SLC35F4: variants seen among roughly 807,000 people sequenced by gnomAD.
SLC35F4 encodes the protein solute carrier family 35 member F4.
A neutral mutation model predicts 44.2 loss-of-function variants in SLC35F4; 24 were observed. The ratio of observed to expected loss-of-function variants is 0.54; its 90% CI spans 0.39 to 0.76. The LOEUF is 0.76. Among genes scored for constraint, SLC35F4 ranks in the 30% least tolerant of loss-of-function variants. The pLI, the probability that SLC35F4 is intolerant of heterozygous loss-of-function variation, is 0.00. For missense variants in SLC35F4, 562 were observed against 586.1 expected, an observed-to-expected ratio of 0.96 and a Z score of 0.42; for synonymous variants, 238 against 223.6, an observed-to-expected ratio of 1.06 and a Z score of -0.57.
chr14:57,966,021 G>A (rs537000811), intron 1 of SLC35F4, among the ~76,000 whole-genome samples: 2 of 152,314 alleles, frequency 1.3e-5, no homozygotes, highest in African/African-American at 2.4e-5. Flanking sequence ...TTCTCAATGT[G>A]TGGCCCACAA....
Position 57,777,654 on chromosome 14 carries a change from T to C in SLC35F4, c.103+88069A>G, listed in dbSNP as rs539929424. ...CGGGGGTGAGGGGCTGGGGGAGGGA[T>C]AGCATTAGGAGAAATACCTAATGTA... is the stretch of plus-strand genomic sequence containing the variant. On this transcript the variant is annotated intron_variant, in intron 1 of 7. Transcript: ENST00000556826. 2.6e-5 allele frequency among the ~76,000 whole-genome samples: 4 copies of C among 151,980 alleles called. No individual in the cohort carries two copies. In the South Asian group the frequency reaches 8.3e-4, roughly 32 times the overall value.
At chr14:57,705,345 G>C (rs1245609778) in intron 1 of SLC35F4, among the ~76,000 whole-genome samples, 1 of 152,146 alleles carries the variant, frequency 6.6e-6, no homozygotes, top group Non-Finnish European at 1.5e-5. Context: ...AGCAATTCTA[G>C]TGCATACACA....
chr14:57,904,625 T>C (rs899218091), intron 1 of SLC35F4, among the ~76,000 whole-genome samples: 2 of 152,202 alleles, frequency 1.3e-5, no homozygotes, highest in Admixed American at 1.3e-4. Flanking sequence ...GTTGACACTA[T>C]TAGGATTTTC....
intron 1 of SLC35F4, among the ~76,000 whole-genome samples, chr14:57,879,291 C>T (rs1595263948): frequency 1.3e-5 from 2 of 152,138 alleles, no homozygotes; most frequent in African/African-American, 2.4e-5. Context: ...TTCTATCCTG[C>T]CTTTGTCGCT....
chr14:57,687,436 T>C (rs941866474), intron 1 of SLC35F4, among the ~76,000 whole-genome samples: 3 of 152,234 alleles, frequency 2.0e-5, no homozygotes, highest in African/African-American at 7.2e-5. Context: ...TAGCTGCTAT[T>C]TGAACACTGG....
At chr14:57,750,673 C>T (rs1305725661) in intron 1 of SLC35F4, among the ~76,000 whole-genome samples, 1 of 152,116 alleles carries the variant, frequency 6.6e-6, no homozygotes. Context: ...ATTTGTATGT[C>T]TTCTTTTGAG....
intron 1 of SLC35F4, among the ~76,000 whole-genome samples, chr14:57,762,013 G>A (rs947305032): frequency 1.3e-5 from 2 of 152,172 alleles, no homozygotes; most frequent in African/African-American, 4.8e-5. Flanking sequence ...TAGAGCTACT[G>A]CTAAAACATT....
chr14:57,758,034 TGTGTGTGTTA>T (rs1280489799), intron 1 of SLC35F4, among the ~76,000 whole-genome samples: 1 of 151,658 alleles, frequency 6.6e-6, no homozygotes, highest in African/African-American at 2.4e-5. Flanking sequence ...TGTGTGTGTG[TGTGTGTGTTA>T]TTTTAATACT....
upstream of SLC35F4, among the ~76,000 whole-genome samples, chr14:57,869,671 T>A (rs2141026204): frequency 6.6e-6 from 1 of 152,354 alleles, no homozygotes; most frequent in Admixed American, 6.5e-5. Context: ...GGGCCAATGT[T>A]ACTTTGTACA....
At chr14:57,665,485 A>T (rs955199330) in intron 1 of SLC35F4, among the ~76,000 whole-genome samples, 14 of 152,288 alleles carry the variant, frequency 9.2e-5, no homozygotes, top group Non-Finnish European at 1.6e-4. Flanking sequence ...ATGATAAATA[A>T]CTTGTTCAAG....
At chr14:57,743,690 A>AT (rs2076681069) in intron 1 of SLC35F4, among the ~76,000 whole-genome samples, 1 of 152,220 alleles carries the variant, frequency 6.6e-6, no homozygotes, top group South Asian at 2.1e-4. Context: ...ATTCCAATCA[A>AT]TAGAAAAAGA....
At chr14:57,867,607 C>A (rs149087824), upstream of SLC35F4, among the ~76,000 whole-genome samples, 1,453 of 151,536 alleles carry the variant, frequency 9.6e-3, 35 homozygotes, top group African/African-American at 0.033. Context: ...TTTACACCCC[C>A]CCCCACGTGA....
chr14:57,807,791 A>T (rs965687068), intron 1 of SLC35F4, among the ~76,000 whole-genome samples: 6 of 151,804 alleles, frequency 4.0e-5, no homozygotes, highest in Non-Finnish European at 7.4e-5. Flanking sequence ...GCACTGTATT[A>T]GTCTGTCCTC....
intron 1 of SLC35F4, among the ~76,000 whole-genome samples, chr14:57,706,445 T>C (rs746476819): frequency 2.6e-4 from 40 of 152,152 alleles, no homozygotes; most frequent in Admixed American, 9.2e-4. Context: ...TGCAGGCCTG[T>C]GTCAAGCACA....
At chr14:57,761,822 T>C (rs1424147927) in intron 1 of SLC35F4, among the ~76,000 whole-genome samples, 1 of 152,148 alleles carries the variant, frequency 6.6e-6, no homozygotes, top group Non-Finnish European at 1.5e-5. Flanking sequence ...TGAATGACCC[T>C]GGCAAGAGGG....
chr14:57,878,541 C>T (rs1455084201), intron 1 of SLC35F4, among the ~76,000 whole-genome samples: 1 of 152,148 alleles, frequency 6.6e-6, no homozygotes, highest in East Asian at 1.9e-4. Context: ...AAGCTATGGG[C>T]TTTCTCACCT....
chr14:57,738,407 G>GACCTAT (rs1056505816), intron 1 of SLC35F4, among the ~76,000 whole-genome samples: 88 of 152,068 alleles, frequency 5.8e-4, no homozygotes, highest in African/African-American at 2.1e-3. Context: ...GACTACCTTG[G>GACCTAT]ACCTATGTCT....
chr14:57,845,804 T>C (rs1312047745), intron 1 of SLC35F4, among the ~76,000 whole-genome samples: 1 of 152,208 alleles, frequency 6.6e-6, no homozygotes, highest in Non-Finnish European at 1.5e-5. Flanking sequence ...TTTTCCATCC[T>C]TTATCAAGCA....
At chr14:57,592,302 AATAGCT>A (rs2070239315) in intron 2 of SLC35F4, among the ~76,000 whole-genome samples, 2 of 152,234 alleles carry the variant, frequency 1.3e-5, no homozygotes, top group Admixed American at 6.5e-5. Context: ...CAACAGTGAT[AATAGCT>A]ATCTCATAGG....
Sources: gnomAD v4.1 joint callset for allele counts (sites outside exome capture counted in the v4.1 genomes callset) on GRCh38, gnomAD v4.1.1 for gene constraint, MANE v1.5 for transcripts, NCBI Gene and HGNC (gene_info 2026-07-23, HGNC 2026-07-21) for gene names.